The following SGCZ variants were observed in gnomAD, a reference collection of about 807,000 sequenced individuals.
SGCZ encodes the protein sarcoglycan zeta, also known as zeta-sarcoglycan.
Under a neutral mutation model 41.3 loss-of-function variants are expected in SGCZ, and 40 were observed. That is an observed-to-expected ratio of 0.97 (90% CI 0.75 to 1.26). The LOEUF (loss-of-function observed/expected upper bound fraction) is 1.26, where lower values mean the gene tolerates loss of function less well. SGCZ is among the 50% of genes most tolerant of loss of function. The pLI is 0.00. For synonymous variants in SGCZ, 206 were observed against 137.5 expected (o/e 1.50, Z -3.49); for missense variants, 552 against 369.8 (o/e 1.49, Z -4.04).
chr8:14,474,388 C>G (rs1801299983), intron 2 of SGCZ, among the ~76,000 whole-genome samples: 1 of 152,296 alleles, frequency 6.6e-6, no homozygotes, highest in South Asian at 2.1e-4. Flanking sequence ...CAGAAACACA[C>G]ACACATATAT....
At chr8:14,606,150 C>T (rs924323256) in intron 1 of SGCZ, among the ~76,000 whole-genome samples, 3 of 152,002 alleles carry the variant, frequency 2.0e-5, no homozygotes, top group African/African-American at 7.2e-5. Context: ...TTCACTAATG[C>T]TAAAATAGTC....
intron 1 of SGCZ, among the ~76,000 whole-genome samples, chr8:14,902,982 AAT>A (rs1173426445): frequency 6.6e-6 from 1 of 152,180 alleles, no homozygotes. Flanking sequence ...ATTGACTGGA[AAT>A]ATGTTTAAAG....
chr8:14,578,031 C>T (rs533479801), intron 1 of SGCZ, among the ~76,000 whole-genome samples: 10 of 152,276 alleles, frequency 6.6e-5, no homozygotes, highest in South Asian at 4.1e-4. Context: ...GGAAAAATGA[C>T]GGACTTTCAC....
At chr8:14,857,741 C>T (rs189284051) in intron 1 of SGCZ, among the ~76,000 whole-genome samples, 2 of 152,194 alleles carry the variant, frequency 1.3e-5, no homozygotes, top group Non-Finnish European at 2.9e-5. Flanking sequence ...TGGCAAGTGC[C>T]TGTAATCCCA....
chr8:15,090,401 T>G (rs890375094), intron 1 of SGCZ, among the ~76,000 whole-genome samples: 1 of 152,222 alleles, frequency 6.6e-6, no homozygotes, highest in African/African-American at 2.4e-5. Context: ...AGCTTCATGC[T>G]GATATCTGGC....
chr8:14,727,326 G>T (rs911998751), intron 1 of SGCZ, among the ~76,000 whole-genome samples: 1 of 152,006 alleles, frequency 6.6e-6, no homozygotes, highest in Non-Finnish European at 1.5e-5. Flanking sequence ...CAGTTTCACC[G>T]TACCAACTAC....
At chr8:14,162,935 A>G (rs1804090861) in intron 5 of SGCZ, among the ~76,000 whole-genome samples, 1 of 152,148 alleles carries the variant, frequency 6.6e-6, no homozygotes, top group Non-Finnish European at 1.5e-5. Flanking sequence ...CACTGGCATG[A>G]TCTTGGCTCA....
At chr8:14,594,415 T>C (rs1405608773) in intron 1 of SGCZ, among the ~76,000 whole-genome samples, 1 of 151,992 alleles carries the variant, frequency 6.6e-6, no homozygotes, top group Non-Finnish European at 1.5e-5. Flanking sequence ...ATAATATTTC[T>C]GTCACTTTCT....
At chr8:14,944,952 C>G (rs1298405047) in intron 1 of SGCZ, among the ~76,000 whole-genome samples, 4 of 152,092 alleles carry the variant, frequency 2.6e-5, no homozygotes, top group African/African-American at 9.7e-5. Context: ...TTCACAGTTC[C>G]TTTTAGGCAA....
At chr8:15,065,876 T>G (rs912069183) in intron 1 of SGCZ, among the ~76,000 whole-genome samples, 1 of 152,198 alleles carries the variant, frequency 6.6e-6, no homozygotes, top group African/African-American at 2.4e-5. Flanking sequence ...GTAATATATT[T>G]TTGAATGATT....
intron 3 of SGCZ, among the ~76,000 whole-genome samples, chr8:14,250,767 T>A (rs924149779): frequency 1.3e-5 from 2 of 152,146 alleles, no homozygotes; most frequent in East Asian, 1.9e-4. Flanking sequence ...GGGACTTACA[T>A]GTCCCAGCGC....
chr8:15,130,001 T>C (rs1372231767), intron 1 of SGCZ, among the ~76,000 whole-genome samples: 1 of 152,178 alleles, frequency 6.6e-6, no homozygotes. Context: ...TGATGCATCC[T>C]GTATGACTAA....
intron 3 of SGCZ, among the ~76,000 whole-genome samples, chr8:14,306,740 C>A (rs530370378): frequency 1.2e-4 from 19 of 152,134 alleles, no homozygotes; most frequent in Non-Finnish European, 2.5e-4. Context: ...TATTTGTGGT[C>A]AATTTCTGTT....
chr8:14,654,287 C>A (rs1413460971), intron 1 of SGCZ, among the ~76,000 whole-genome samples: 1 of 151,866 alleles, frequency 6.6e-6, no homozygotes, highest in Non-Finnish European at 1.5e-5. Context: ...CAGCCCACCT[C>A]GGGAGGAATC....
chr8:14,699,837 A>T (rs1001855327), intron 1 of SGCZ, among the ~76,000 whole-genome samples: 1 of 152,082 alleles, frequency 6.6e-6, no homozygotes, highest in African/African-American at 2.4e-5. Flanking sequence ...CATGCAGCCA[A>T]CGAATATATA....
chr8:14,540,666 T>A (rs1253232396), intron 2 of SGCZ, among the ~76,000 whole-genome samples: 1 of 151,978 alleles, frequency 6.6e-6, no homozygotes, highest in Admixed American at 6.6e-5. Flanking sequence ...AATGTCCTTA[T>A]GTTAGTGATC....
At chr8:14,292,103 T>C (rs12115156) in intron 3 of SGCZ, among the ~76,000 whole-genome samples, 114,743 of 151,962 alleles carry the variant, frequency 0.76, 43,780 homozygotes, top group Non-Finnish European at 0.81. Context: ...CAAAATTTAG[T>C]GTTTTATTTT....
At chr8:15,050,338 C>G (rs1361644398) in intron 1 of SGCZ, among the ~76,000 whole-genome samples, 1 of 152,046 alleles carries the variant, frequency 6.6e-6, no homozygotes, top group Non-Finnish European at 1.5e-5. Context: ...GTTTATGTGG[C>G]CCTCTCTGTG....
chr8:14,097,870 GTTAGT>G (rs1490716234), intron 7 of SGCZ, among the ~76,000 whole-genome samples: 5 of 152,040 alleles, frequency 3.3e-5, no homozygotes, highest in African/African-American at 1.2e-4. Context: ...TTTGATCTCT[GTTAGT>G]TTAAAGTCTG....
Sources: gnomAD v4.1 joint callset for allele counts (sites outside exome capture counted in the v4.1 genomes callset) on GRCh38, gnomAD v4.1.1 for gene constraint, MANE v1.5 for transcripts, NCBI Gene and HGNC (gene_info 2026-07-23, HGNC 2026-07-21) for gene names.